The following ADGRL2 variants were observed in gnomAD, a reference collection of about 807,000 sequenced individuals.
ADGRL2 encodes the protein calcium-independent alpha-latrotoxin receptor 2.
A neutral mutation model predicts 157.4 loss-of-function variants in ADGRL2; 44 were observed. The ratio of observed to expected loss-of-function variants is 0.28; its 90% CI spans 0.22 to 0.36. ADGRL2 has a LOEUF of 0.36. ADGRL2 is among the 10% of genes least tolerant of loss of function. The probability of loss-of-function intolerance (pLI) is 1.00; values close to 1 mark genes in which losing one functional copy is unlikely to be tolerated. For missense variants in ADGRL2, 1,510 were observed against 1,768.9 expected (o/e 0.85, Z 2.63); for synonymous variants, 585 against 624.7 (o/e 0.94, Z 0.95).
chr1:81,334,706 C>G (rs1418059020), intron 1 of ADGRL2, among the ~76,000 whole-genome samples: 2 of 152,128 alleles, frequency 1.3e-5, no homozygotes, highest in African/African-American at 2.4e-5. Flanking sequence ...TGTGTATGAC[C>G]TATTAACACT....
intron 2 of ADGRL2, among the ~76,000 whole-genome samples, chr1:81,776,216 T>C (rs1004762044): frequency 9.5e-5 from 14 of 146,678 alleles, no homozygotes; most frequent in African/African-American, 3.1e-4. Context: ...TGAGATGGAG[T>C]CTCACTCTGT....
intron 1 of ADGRL2, among the ~76,000 whole-genome samples, chr1:81,353,067 C>A (rs112474754): frequency 6.6e-6 from 1 of 152,112 alleles, no homozygotes; most frequent in African/African-American, 2.4e-5. Context: ...GGGCAATATT[C>A]TGCATATATA....
intron 3 of ADGRL2, among the ~76,000 whole-genome samples, chr1:81,916,766 T>C (rs1032199961): frequency 6.6e-6 from 1 of 151,994 alleles, no homozygotes; most frequent in African/African-American, 2.4e-5. Context: ...TGGGGCAAAA[T>C]TGAGACTTTT....
At chr1:81,475,007 A>G (rs935722068) in intron 2 of ADGRL2, among the ~76,000 whole-genome samples, 1 of 152,188 alleles carries the variant, frequency 6.6e-6, no homozygotes, top group Non-Finnish European at 1.5e-5. Flanking sequence ...CAACTGCGCT[A>G]GGAACCCAGG....
intron 11 of ADGRL2, among the ~76,000 whole-genome samples, chr1:81,960,210 T>C (rs1654900932): frequency 6.6e-6 from 1 of 152,250 alleles, no homozygotes; most frequent in Admixed American, 6.5e-5. Flanking sequence ...TTGTAGACTT[T>C]GTTACATTCT....
At chr1:81,441,364 T>G (rs1489979442) in intron 1 of ADGRL2, among the ~76,000 whole-genome samples, 1 of 152,174 alleles carries the variant, frequency 6.6e-6, no homozygotes, top group African/African-American at 2.4e-5. Flanking sequence ...TTCTGGTTAA[T>G]TTACTCCCTG....
At chr1:81,774,398 T>C (rs994976432) in intron 2 of ADGRL2, among the ~76,000 whole-genome samples, 1 of 152,224 alleles carries the variant, frequency 6.6e-6, no homozygotes, top group Non-Finnish European at 1.5e-5. Context: ...GAGAGCAACA[T>C]GTGCTTTGCA....
At chr1:81,545,468 A>G (rs1401385909) in intron 2 of ADGRL2, among the ~76,000 whole-genome samples, 2 of 151,976 alleles carry the variant, frequency 1.3e-5, no homozygotes, top group Non-Finnish European at 1.5e-5. Flanking sequence ...TTTAGTAGAG[A>G]CAGGGTTTCA....
At chr1:81,799,032 A>C (rs1434284438), upstream of ADGRL2, among the ~76,000 whole-genome samples, 2 of 152,212 alleles carry the variant, frequency 1.3e-5, no homozygotes, top group Non-Finnish European at 2.9e-5. Flanking sequence ...ATCCTGAATG[A>C]AATAATTTTA....
intron 3 of ADGRL2, among the ~76,000 whole-genome samples, chr1:81,657,134 A>G (rs1366726769): frequency 6.6e-6 from 1 of 152,170 alleles, no homozygotes; most frequent in Non-Finnish European, 1.5e-5. Flanking sequence ...GCTATGGTCT[A>G]AATATTTGTG....
In ADGRL2 at chr1:81,558,153, C is replaced by A. The variant is rs189741212; in HGVS notation, c.-247-22723C>A. ...TCAATGAATAAATGAACGATGTCTT[C>A]CATGTGCAAAGTAGAAGTAAATACT... On this transcript the variant is annotated intron_variant, in intron 2 of 24. Coordinates refer to the ADGRL2 transcript ENST00000370721. 8.6e-4 allele frequency among the ~76,000 whole-genome samples: 131 copies of A among 152,242 alleles called. No homozygotes were observed. In the East Asian group the frequency reaches 0.024, roughly 28 times the overall value.
intron 4 of ADGRL2, among the ~76,000 whole-genome samples, chr1:81,937,365 G>A (rs2095325587): frequency 6.6e-6 from 1 of 151,750 alleles, no homozygotes; most frequent in Non-Finnish European, 1.5e-5. Context: ...AAATAAAATA[G>A]ATATAATATA....
chr1:81,460,570 C>T (rs2077905338), intron 2 of ADGRL2, among the ~76,000 whole-genome samples: 3 of 152,074 alleles, frequency 2.0e-5, no homozygotes, highest in African/African-American at 7.2e-5. Context: ...ATTTCTGATT[C>T]CCTAGGCCTG....
chr1:81,777,844 G>A (rs1056493989), intron 2 of ADGRL2, among the ~76,000 whole-genome samples: 4 of 152,104 alleles, frequency 2.6e-5, no homozygotes, highest in Non-Finnish European at 5.9e-5. Flanking sequence ...TGTAACCTAT[G>A]ACCTATTTTT....
intron 1 of ADGRL2, among the ~76,000 whole-genome samples, chr1:81,386,668 C>T (rs778468854): frequency 2.0e-5 from 3 of 152,158 alleles, no homozygotes; most frequent in Admixed American, 6.6e-5. Context: ...CTTTACTAAT[C>T]TGATGCAAAC....
At chr1:81,965,973 T>A in intron 11 of ADGRL2, 85 bp from the exon 12 acceptor site, 2 of 1,343,496 alleles carry the variant, frequency 1.5e-6, no homozygotes, top group South Asian at 1.6e-5. Flanking sequence ...AAAACAGTAG[T>A]TTCCATACAG....
intron 3 of ADGRL2, among the ~76,000 whole-genome samples, chr1:81,616,237 C>T (rs770777698): frequency 3.3e-5 from 5 of 152,166 alleles, no homozygotes; most frequent in African/African-American, 4.8e-5. Flanking sequence ...ACTTTTGAAA[C>T]AGAATTTTGA....
intron 1 of ADGRL2, among the ~76,000 whole-genome samples, chr1:81,731,640 A>G (rs2084725994): frequency 6.6e-6 from 1 of 151,938 alleles, no homozygotes; most frequent in African/African-American, 2.4e-5. Context: ...GCTGCTCTCT[A>G]CGTCTTGATA....
rs1374034839 is a variant in ADGRL2, at chr1:81,907,841, A to G, written c.287+611A>G. The stretch of plus-strand genomic sequence containing the variant: ...ATAGGATTGGCTTTTGGCGTTGTAC[A>G]TTTTATGAGTTTTGACAAATGTATT... On this transcript the variant is annotated intron_variant, in intron 3 of 23. Coordinates refer to ENST00000686636, the MANE Select transcript of ADGRL2 (RefSeq NM_001366006.2). Among the ~76,000 whole-genome samples, 4 of 152,270 alleles carry G rather than the reference A, an allele frequency of 2.6e-5. No homozygotes were observed. In the South Asian group the frequency reaches 8.3e-4, roughly 32 times the overall value.
Sources: allele counts gnomAD v4.1 joint callset (sites outside exome capture counted in the v4.1 genomes callset), GRCh38; gene constraint gnomAD v4.1.1; transcripts MANE v1.5; gene names NCBI Gene and HGNC (gene_info 2026-07-23, HGNC 2026-07-21).